PARD3: variants seen among roughly 807,000 people sequenced by gnomAD.
PARD3 encodes the protein par-3 family cell polarity regulator, also known as partitioning defective 3 homolog.
Under a neutral mutation model 155.4 loss-of-function variants are expected in PARD3, and 75 were observed. That is an observed-to-expected ratio of 0.48 (90% CI 0.40 to 0.58). The LOEUF is 0.58. Ranked by LOEUF, PARD3 falls within the 20% of genes least tolerant of loss-of-function variation. The pLI is 0.00. For missense variants in PARD3, 1,642 were observed against 1,721.7 expected (o/e 0.95, Z 0.82); for synonymous variants, 576 against 610.5 (o/e 0.94, Z 0.83).
At chr10:34,327,102 T>C (rs746844773) in intron 19 of PARD3, among the ~76,000 whole-genome samples, 6 of 152,194 alleles carry the variant, frequency 3.9e-5, no homozygotes, top group Non-Finnish European at 7.3e-5. Context: ...TGCATGCATT[T>C]TCTTGGTAGC....
intron 1 of PARD3, among the ~76,000 whole-genome samples, chr10:34,776,833 T>TTTTGGGG (rs1564608800): frequency 1.2e-3 from 12 of 9,916 alleles, no homozygotes; most frequent in Middle Eastern, 0.042. Flanking sequence ...CGTGTTTTTT[T>TTTTGGGG]GTGGGGGGGG....
chr10:34,405,178 CA>C (rs941575875), intron 5 of PARD3, among the ~76,000 whole-genome samples: 7 of 151,868 alleles, frequency 4.6e-5, no homozygotes, highest in African/African-American at 1.7e-4. Flanking sequence ...ATATCACAAG[CA>C]TTACATGGTG....
At chr10:34,616,518 G>T (rs964330878) in intron 2 of PARD3, among the ~76,000 whole-genome samples, 1 of 152,058 alleles carries the variant, frequency 6.6e-6, no homozygotes, top group Non-Finnish European at 1.5e-5. Context: ...AAGAAAACGT[G>T]GTCTATACAC....
chr10:34,671,570 A>T (rs1220301972), intron 2 of PARD3, among the ~76,000 whole-genome samples: 1 of 152,260 alleles, frequency 6.6e-6, no homozygotes, highest in African/African-American at 2.4e-5. Context: ...GAAGAAAATT[A>T]AAATCAAGAA....
intron 12 of PARD3, among the ~76,000 whole-genome samples, chr10:34,364,424 A>T (rs187387799): frequency 4.6e-5 from 7 of 151,802 alleles, no homozygotes; most frequent in Non-Finnish European, 8.8e-5. Flanking sequence ...GCCCTTATCT[A>T]CAGAATTATC....
intron 2 of PARD3, among the ~76,000 whole-genome samples, chr10:34,638,160 A>T (rs2092550006): frequency 1.3e-5 from 2 of 152,206 alleles, no homozygotes; most frequent in Non-Finnish European, 2.9e-5. Context: ...AAATGCAATC[A>T]TTTCCCAGGA....
chr10:34,138,962 CAAAAA>C (rs57894468), intron 22 of PARD3, among the ~76,000 whole-genome samples: 1 of 144,484 alleles, frequency 6.9e-6, no homozygotes, highest in Non-Finnish European at 1.5e-5. Flanking sequence ...TACCACACTC[CAAAAA>C]AAAAAAAGAA....
chr10:34,773,942 T>C (rs1588689609), intron 1 of PARD3, among the ~76,000 whole-genome samples: 1 of 152,188 alleles, frequency 6.6e-6, no homozygotes, highest in African/African-American at 2.4e-5. Flanking sequence ...TAAACCAACA[T>C]TATCACTACC....
At chr10:34,285,596 GAAAC>G (rs1956348078) in intron 20 of PARD3, among the ~76,000 whole-genome samples, 1 of 151,468 alleles carries the variant, frequency 6.6e-6, no homozygotes, top group African/African-American at 2.4e-5. Context: ...AAGAAAGAAA[GAAAC>G]AGAGAGGAGA....
intron 2 of PARD3, among the ~76,000 whole-genome samples, chr10:34,625,875 C>A (rs1433010361): frequency 6.6e-6 from 1 of 152,190 alleles, no homozygotes; most frequent in East Asian, 1.9e-4. Flanking sequence ...CACACCATTG[C>A]ACTCCAGACT....
intron 1 of PARD3, among the ~76,000 whole-genome samples, chr10:34,794,867 G>A (rs1173338951): frequency 6.6e-6 from 1 of 152,238 alleles, no homozygotes; most frequent in Non-Finnish European, 1.5e-5. Context: ...AATGTTTGAT[G>A]TTATATGTGA....
At position 34,630,598 on chromosome 10, in the gene PARD3, A is replaced by G. The variant is rs190102259; in HGVS notation, c.222+65720T>C. ...TGGAGTAACTGGGGACTACATGCAC[A>G]AGCCACCATGCCTGGCTAATTTTTG... On this transcript the variant is annotated intron_variant, in intron 2 of 24. Transcript: ENST00000374788. Among the ~76,000 whole-genome samples the G allele has an allele frequency of 2.9e-4, 44 of 151,796 alleles. No homozygotes were observed. In the East Asian group the frequency reaches 8.4e-3, roughly 29 times the overall value.
Position 34,311,029 on chromosome 10 carries a change from T to G in PARD3, c.3065+6078A>C, listed in dbSNP as rs536133696. On this transcript the variant is annotated intron_variant, in intron 20 of 24. Coordinates refer to ENST00000374788, the MANE Select transcript of PARD3 (RefSeq NM_001184785.2). ...GCCACTTGATGTACCAATGTGAAAC[T>G]GGTCACATTAATCCCCATGGCAATT... Among the ~76,000 whole-genome samples, 12 of 152,382 alleles carry G rather than the reference T, an allele frequency of 7.9e-5. 1 individual carries two copies. The highest frequency in any genetic ancestry group is 1.3e-4 in the Non-Finnish European group (9 of 68,044).
chr10:34,405,401 G>A (rs1347974448), intron 5 of PARD3, among the ~76,000 whole-genome samples: 5 of 152,004 alleles, frequency 3.3e-5, no homozygotes, highest in Admixed American at 2.6e-4. Flanking sequence ...TTACCCACTC[G>A]ATCAAATAAA....
At chr10:34,439,076 A>G (rs1285468192) in intron 5 of PARD3, among the ~76,000 whole-genome samples, 1 of 152,204 alleles carries the variant, frequency 6.6e-6, no homozygotes, top group Non-Finnish European at 1.5e-5. Flanking sequence ...TAGACAGGAG[A>G]TTAATACAAA....
At chr10:34,571,729 A>G (rs938149200) in intron 2 of PARD3, among the ~76,000 whole-genome samples, 2 of 152,230 alleles carry the variant, frequency 1.3e-5, no homozygotes, top group Non-Finnish European at 2.9e-5. Context: ...ATGCTAATAT[A>G]CCTAGTAAGG....
At chr10:34,705,962 T>C (rs960365577) in intron 1 of PARD3, among the ~76,000 whole-genome samples, 1 of 152,202 alleles carries the variant, frequency 6.6e-6, no homozygotes, top group African/African-American at 2.4e-5. Context: ...TATTCAATAA[T>C]ATGAGAAATC....
intron 1 of PARD3, among the ~76,000 whole-genome samples, chr10:34,709,565 C>T (rs1278054454): frequency 2.0e-5 from 3 of 150,816 alleles, no homozygotes; most frequent in Non-Finnish European, 3.0e-5. Flanking sequence ...GAGGCGGGGG[C>T]CACACACAGG....
intron 22 of PARD3, among the ~76,000 whole-genome samples, chr10:34,142,567 G>A (rs2132875696): frequency 6.6e-6 from 1 of 150,728 alleles, no homozygotes; most frequent in East Asian, 2.0e-4. Context: ...AAGAAACAAG[G>A]GAAAGGAAAG....
Sources: allele counts gnomAD v4.1 joint callset (sites outside exome capture counted in the v4.1 genomes callset), GRCh38; gene constraint gnomAD v4.1.1; transcripts MANE v1.5; gene names NCBI Gene and HGNC (gene_info 2026-07-23, HGNC 2026-07-21).